The following TSPAN4 variants were observed in gnomAD, a reference collection of about 807,000 sequenced individuals.
The protein encoded by TSPAN4 is tetraspanin-4.
In TSPAN4, 38 loss-of-function variants were observed where a neutral mutation model predicts 31.5. That is an observed-to-expected ratio of 1.21 (90% CI 0.93 to 1.58). TSPAN4 has a LOEUF of 1.58. Ranked by LOEUF, TSPAN4 falls within the 40% of genes most tolerant of loss-of-function variation. The probability of loss-of-function intolerance (pLI) is 0.00; values close to 1 mark genes in which losing one functional copy is unlikely to be tolerated. For missense variants in TSPAN4, 330 were observed against 317.3 expected (o/e 1.04, Z -0.30); for synonymous variants, 186 against 144.6 (o/e 1.29, Z -2.06).
At chr11:866,142 G>A (rs1312095116) in intron 8 of TSPAN4, 141 bp downstream of exon 8, 4 of 851,344 alleles carry the variant, frequency 4.7e-6, no homozygotes, top group Non-Finnish European at 7.4e-6. Flanking sequence ...CGAGTTCAGG[G>A]GGATGGGCAG....
intron 3 of TSPAN4, among the ~76,000 whole-genome samples, chr11:853,021 G>A (rs1273241375): frequency 1.3e-5 from 2 of 152,014 alleles, no homozygotes; most frequent in Non-Finnish European, 2.9e-5. Context: ...AAAGTTGTGT[G>A]TGACTGGGGG....
chr11:842,971 T>A (rs1317269692), intron 1 of TSPAN4, 56 bp downstream of exon 1: 1 of 152,134 alleles, frequency 6.6e-6, no homozygotes, highest in Non-Finnish European at 1.5e-5. Context: ...GCCGGAGGTG[T>A]CCGACCGGGA....
Position 866,661 on chromosome 11 carries a change from G to A in TSPAN4, c.*31G>A, listed in dbSNP as rs1166422142. ...CCACCGCCCGCTTCTCTGCCAAAAG[G>A]ACGCCCACGGGGAGATGGCCGCACC... On this transcript the variant is annotated 3_prime_UTR_variant, in exon 9 of 9. Coordinates refer to ENST00000397397, the MANE Select transcript of TSPAN4 (RefSeq NM_003271.5). 3 of 1,601,330 alleles carry A rather than the reference G, an allele frequency of 1.9e-6. No individual in the cohort carries two copies. The highest frequency in any genetic ancestry group is 1.7e-5 in the Admixed American group (1 of 59,312).
Position 866,956 on chromosome 11 carries a change from C to T in TSPAN4, c.*326C>T, listed in dbSNP as rs1023545746. ...GAGCCAGCCTGTGGCCCCCAGCCTC[C>T]TGGAAAACAGGTTGGCGCTGGAGGA... is the stretch of plus-strand genomic sequence containing the variant. On this transcript the variant is annotated 3_prime_UTR_variant, in exon 9 of 9. Coordinates refer to ENST00000397397, the MANE Select transcript of TSPAN4 (RefSeq NM_003271.5). 1 of 244,798 alleles carries T rather than the reference C, an allele frequency of 4.1e-6. No homozygotes were observed. The highest frequency in any genetic ancestry group is 2.2e-5 in the African/African-American group (1 of 44,642). The allele number at this position is 244,798 out of a possible 1,614,324, so 15.2% of individuals were successfully genotyped here. A position where few individuals can be genotyped will look rare whatever the true frequency, so the allele number is the denominator to read the frequency against.
chr11:853,041 G>A (rs893372817), intron 3 of TSPAN4, among the ~76,000 whole-genome samples: 3 of 152,096 alleles, frequency 2.0e-5, no homozygotes, highest in South Asian at 2.1e-4. Context: ...GGCTGTGCCC[G>A]TCCTGGGTGT....
chr11:860,877 C>T (rs559658037), intron 3 of TSPAN4, among the ~76,000 whole-genome samples: 23 of 152,276 alleles, frequency 1.5e-4, no homozygotes, highest in East Asian at 1.4e-3. Flanking sequence ...CCCAGGGCTG[C>T]GCGGCCCTTC....
intron 5 of TSPAN4, chr11:864,790 C>T (rs1277454436): frequency 1.3e-5 from 7 of 542,504 alleles, no homozygotes; most frequent in South Asian, 4.4e-5. Context: ...CGTCCTGAGC[C>T]GTCTGCTCCC....
chr11:849,331 C>T (rs1847492081), intron 2 of TSPAN4, among the ~76,000 whole-genome samples: 1 of 152,240 alleles, frequency 6.6e-6, no homozygotes, highest in Non-Finnish European at 1.5e-5. Flanking sequence ...TGACCCAGCC[C>T]CCCACCCGCC....
At position 848,940 on chromosome 11, in the gene TSPAN4, CTG is replaced by C; in HGVS notation, c.-17-1346_-17-1345del. ...ACATCTGCGCACGGGGCCGGTATGTCTGTACCTGTCAAGGGGTGGGGTGGGGT... is the reference window on the plus strand; with the variant it reads ...ACATCTGCGCACGGGGCCGGTATGTCTACCTGTCAAGGGGTGGGGTGGGGT... On this transcript the variant is annotated intron_variant, in intron 2 of 8. Coordinates refer to ENST00000397397, the MANE Select transcript of TSPAN4 (RefSeq NM_003271.5). This position sits in a 1 kb window ranked among gnomAD's most constrained non-coding sequence, Gnocchi z 5.7. 1 of 708,282 alleles carries C rather than the reference CTG, an allele frequency of 1.4e-6. No individual in the cohort carries two copies. Among genetic ancestry groups the C allele is most frequent in the Non-Finnish European group, 2.6e-6 (1 of 380,514 alleles). 43.9% of individuals were successfully genotyped at this position (708,282 alleles called of 1,614,324 possible). A position where few individuals can be genotyped will look rare whatever the true frequency, so the allele number is the denominator to read the frequency against.
rs147749431 is a variant in TSPAN4, at chr11:850,610, CCCTCT to C, written c.63+263_63+267del. Among the ~76,000 whole-genome samples, 716 of 152,146 alleles carry C rather than the reference CCCTCT, an allele frequency of 4.7e-3. 10 individuals are homozygous for C. The highest frequency in any genetic ancestry group is 0.015 in the African/African-American group (608 of 41,496). ...AGAGCGGCTGCCCCACGCCCTGGTC[CCCTCT>C]CCTCTCCTCTCCTCTCCTCACTTGA... On this transcript the variant is annotated intron_variant, in intron 3 of 8. Coordinates refer to ENST00000397397, the MANE Select transcript of TSPAN4 (RefSeq NM_003271.5).
chr11:864,588 G>C, intron 5 of TSPAN4, 77 bp downstream of exon 5: 2 of 1,565,116 alleles, frequency 1.3e-6, no homozygotes, highest in South Asian at 2.2e-5. Context: ...CTGTGGGCCC[G>C]GTGTGGACAG....
intron 4 of TSPAN4, 44 bp from the exon 5 acceptor site, chr11:864,393 T>C (rs1049605371): frequency 2.6e-5 from 42 of 1,606,678 alleles, no homozygotes; most frequent in Non-Finnish European, 3.2e-5. Flanking sequence ...GGGCGGAGGC[T>C]GTGCGGCCTT....
chr11:866,710 G>C lies in TSPAN4; in HGVS notation c.*80G>C, dbSNP rs1848873674. On this transcript the variant is annotated 3_prime_UTR_variant, in exon 9 of 9. Coordinates refer to ENST00000397397, the MANE Select transcript of TSPAN4 (RefSeq NM_003271.5). The stretch of plus-strand genomic sequence containing the variant: ...CCCACAGCTGCCTTTCCCACCACCA[G>C]CCTCGGTGCTCTGCCCCATGCTGGG... 7.3e-7 allele frequency: 1 copy of C among 1,368,962 alleles called. No homozygotes were observed. Among genetic ancestry groups the C allele is most frequent in the Non-Finnish European group, 1.0e-6 (1 of 999,010 alleles). The allele number at this position is 1,368,962 out of a possible 1,614,324, so 84.8% of individuals were successfully genotyped here. A position where few individuals can be genotyped will look rare whatever the true frequency, so the allele number is the denominator to read the frequency against.
chr11:862,505 T>C (rs56005156), intron 3 of TSPAN4, 45 bp from the exon 4 acceptor site: 215,886 of 1,526,038 alleles, frequency 0.14, 16,114 homozygotes, highest in East Asian at 0.26. Flanking sequence ...AGAGCTTGCA[T>C]TGGGGCCTCA....
At chr11:861,350 C>T (rs1279322425) in intron 3 of TSPAN4, among the ~76,000 whole-genome samples, 1 of 152,172 alleles carries the variant, frequency 6.6e-6, no homozygotes, top group Non-Finnish European at 1.5e-5. Flanking sequence ...CGCGGTGGCT[C>T]ATGCCTGTAA....
intron 2 of TSPAN4, chr11:850,065 C>T: frequency 2.7e-6 from 1 of 371,864 alleles, no homozygotes; most frequent in East Asian, 4.8e-5. Context: ...CACGTACCGG[C>T]GCAGCCCCTC....
intron 3 of TSPAN4, chr11:857,547 TGCCTGCCACC>T (rs963944213): frequency 3.3e-5 from 5 of 152,004 alleles, no homozygotes; most frequent in Admixed American, 1.3e-4. Context: ...CGACTACAGG[TGCCTGCCACC>T]ACGCCCAGCT....
rs114383894 is a variant in TSPAN4, at chr11:864,336, C to A, written c.256-101C>A. 4.2e-4 allele frequency: 599 copies of A among 1,432,492 alleles called. 3 individuals are homozygous for A. In the African/African-American group the frequency reaches 7.7e-3, roughly 19 times the overall value. 88.7% of individuals were successfully genotyped at this position (1,432,492 alleles called of 1,614,324 possible). On this transcript the variant is annotated intron_variant, in intron 4 of 8. Transcript: ENST00000397397. The stretch of plus-strand genomic sequence containing the variant: ...GGGCCTGGCAGAGGTTTCCTGGCAG[C>A]ACCAGGTATCCATGAGGTACGTGGC...
At chr11:852,162 C>T (rs1204004722) in intron 3 of TSPAN4, among the ~76,000 whole-genome samples, 1 of 152,188 alleles carries the variant, frequency 6.6e-6, no homozygotes, top group Non-Finnish European at 1.5e-5. Context: ...GAGTCTTGCT[C>T]TGTCGCCTGG....
Sources: gnomAD v4.1 joint callset for allele counts (sites outside exome capture counted in the v4.1 genomes callset) on GRCh38, gnomAD v4.1.1 for gene constraint, Gnocchi (gnomAD v3.1) non-coding constraint, MANE v1.5 for transcripts, NCBI Gene and HGNC (gene_info 2026-07-23, HGNC 2026-07-21) for gene names.